RARB: variants seen among roughly 807,000 people sequenced by gnomAD.
The protein encoded by RARB is retinoic acid receptor beta.
RARB carries 17 observed loss-of-function variants against 51.9 expected under a neutral mutation model. That is an observed-to-expected ratio of 0.33 (90% CI 0.22 to 0.49). RARB has a LOEUF of 0.49. Ranked by LOEUF, RARB falls within the 20% of genes least tolerant of loss-of-function variation. The pLI, the probability that RARB is intolerant of heterozygous loss-of-function variation, is 0.99. For synonymous variants in RARB, 215 were observed against 195.4 expected (o/e 1.10, Z -0.84); for missense variants, 369 against 550.8 (o/e 0.67, Z 3.30).
intron 2 of RARB, among the ~76,000 whole-genome samples, chr3:25,053,609 T>A (rs1698381606): frequency 6.6e-6 from 1 of 152,184 alleles, no homozygotes; most frequent in Non-Finnish European, 1.5e-5. Context: ...GTTACAACAC[T>A]TTTGAAAGTG....
chr3:25,307,399 A>C (rs1704179063), intron 5 of RARB, among the ~76,000 whole-genome samples: 1 of 152,058 alleles, frequency 6.6e-6, no homozygotes, highest in Non-Finnish European at 1.5e-5. Flanking sequence ...AAAAAAAAAA[A>C]AATTGTAATA....
At chr3:25,221,725 G>A (rs1373440147) in intron 5 of RARB, among the ~76,000 whole-genome samples, 2 of 152,158 alleles carry the variant, frequency 1.3e-5, no homozygotes, top group East Asian at 3.9e-4. Flanking sequence ...AGGAGAACTT[G>A]ATTGACACAA....
At chr3:25,483,200 C>A (rs1275921895) in intron 2 of RARB, among the ~76,000 whole-genome samples, 2 of 152,176 alleles carry the variant, frequency 1.3e-5, no homozygotes, top group Admixed American at 1.3e-4. Context: ...TTCAAGAAAG[C>A]ATCGGGACAC....
chr3:25,210,959 T>C (rs376708844), intron 5 of RARB, among the ~76,000 whole-genome samples: 2 of 152,308 alleles, frequency 1.3e-5, no homozygotes. Context: ...TTATTTGCGA[T>C]GTGACTTTGA....
At chr3:25,493,521 G>A (rs921208493) in intron 2 of RARB, among the ~76,000 whole-genome samples, 1 of 152,186 alleles carries the variant, frequency 6.6e-6, no homozygotes, top group African/African-American at 2.4e-5. Flanking sequence ...CTCCAGCCTT[G>A]CTGCATGGCT....
intron 5 of RARB, among the ~76,000 whole-genome samples, chr3:25,189,760 C>T (rs1701053693): frequency 1.3e-5 from 2 of 152,042 alleles, no homozygotes; most frequent in Admixed American, 1.3e-4. Flanking sequence ...TGGTGGGCGC[C>T]TGTAATCGCA....
chr3:25,038,732 C>T (rs540335035), intron 2 of RARB, among the ~76,000 whole-genome samples: 2 of 152,196 alleles, frequency 1.3e-5, no homozygotes, highest in South Asian at 4.2e-4. Flanking sequence ...CATAATGAGA[C>T]AGTTCTTATG....
chr3:25,439,376 A>T (rs1452153157), intron 1 of RARB, among the ~76,000 whole-genome samples: 1 of 152,172 alleles, frequency 6.6e-6, no homozygotes, highest in Non-Finnish European at 1.5e-5. Context: ...CTCTCAGATA[A>T]TGCTCTCATT....
intron 1 of RARB, among the ~76,000 whole-genome samples, chr3:25,437,466 G>T (rs1451663911): frequency 6.6e-6 from 1 of 152,150 alleles, no homozygotes; most frequent in Non-Finnish European, 1.5e-5. Context: ...GATATGATCT[G>T]TGGGGGACAC....
chr3:25,042,538 T>G, intron 2 of RARB, among the ~76,000 whole-genome samples: 1 of 152,232 alleles, frequency 6.6e-6, no homozygotes, highest in East Asian at 1.9e-4. Flanking sequence ...AAGCTGTTGG[T>G]TCATCTTCAG....
At chr3:25,540,712 G>A (rs1699342007) in intron 3 of RARB, among the ~76,000 whole-genome samples, 1 of 152,240 alleles carries the variant, frequency 6.6e-6, no homozygotes, top group African/African-American at 2.4e-5. Context: ...CCAGGGTGCT[G>A]TGGATGGAGG....
In RARB at chr3:24,956,533, A is replaced by G. The variant is rs924150146; in HGVS notation, c.-380+97781A>G. ...CATTCTGCCTGGCTCTGAAACCAGG[A>G]TCTGAAACCTGGTCTCAAGCTGTGT... On this transcript the variant is annotated intron_variant, in intron 2 of 11. Transcript: ENST00000383772. 7.9e-5 allele frequency among the ~76,000 whole-genome samples: 12 copies of G among 152,142 alleles called. No individual in the cohort carries two copies. In the East Asian group the frequency reaches 2.1e-3, roughly 27 times the overall value.
In RARB at chr3:25,113,040, G is replaced by A. The variant is rs548768787; in HGVS notation, c.-327-19121G>A. Among the ~76,000 whole-genome samples, 4 of 152,214 alleles carry A rather than the reference G, an allele frequency of 2.6e-5. No individual in the cohort carries two copies. The South Asian group carries it at 6.2e-4, about 24-fold the overall frequency. ...AGCCAGTTTGTTTTCCTGTAGTTTT[G>A]TTCTGACTTGCTGTTTATTTGGAAA... is the stretch of plus-strand genomic sequence containing the variant. On this transcript the variant is annotated intron_variant, in intron 3 of 11. Transcript: ENST00000383772.
At chr3:25,265,720 C>A (rs917875130) in intron 5 of RARB, among the ~76,000 whole-genome samples, 3 of 152,140 alleles carry the variant, frequency 2.0e-5, no homozygotes, top group African/African-American at 4.8e-5. Context: ...GATCCACACG[C>A]CTCCGCCTCC....
chr3:25,339,634 A>C (rs1205392431), intron 5 of RARB, among the ~76,000 whole-genome samples: 6 of 151,364 alleles, frequency 4.0e-5, no homozygotes, highest in African/African-American at 1.2e-4. Flanking sequence ...CATTTCCCCC[A>C]AAAAAAGGCA....
chr3:24,931,756 T>C (rs896636987), intron 2 of RARB, among the ~76,000 whole-genome samples: 5 of 152,036 alleles, frequency 3.3e-5, no homozygotes, highest in Admixed American at 3.3e-4. Context: ...TGGTGTCCCT[T>C]AGACTTGAGC....
chr3:25,037,161 G>A (rs1479370279), intron 2 of RARB, among the ~76,000 whole-genome samples: 5 of 152,044 alleles, frequency 3.3e-5, no homozygotes, highest in African/African-American at 1.2e-4. Context: ...TAGAGTGTCA[G>A]TATAAATAGC....
chr3:24,961,451 C>G (rs1221749219), intron 2 of RARB, among the ~76,000 whole-genome samples: 1 of 152,208 alleles, frequency 6.6e-6, no homozygotes, highest in African/African-American at 2.4e-5. Context: ...AATCACATTA[C>G]AATTGGCTGT....
chr3:24,982,177 T>C (rs1170892711), intron 2 of RARB, among the ~76,000 whole-genome samples: 2 of 152,180 alleles, frequency 1.3e-5, no homozygotes, highest in African/African-American at 2.4e-5. Flanking sequence ...CTCAGCTTGG[T>C]CAGGGCCCAG....
Sources: gnomAD v4.1 joint callset for allele counts (sites outside exome capture counted in the v4.1 genomes callset) on GRCh38, gnomAD v4.1.1 for gene constraint, MANE v1.5 for transcripts, NCBI Gene and HGNC (gene_info 2026-07-23, HGNC 2026-07-21) for gene names.